The following SPTBN4 variants were observed in gnomAD, a reference collection of about 807,000 sequenced individuals.
SPTBN4 encodes spectrin beta, non-erythrocytic 4.
A neutral mutation model predicts 277.8 loss-of-function variants in SPTBN4; 96 were observed. The ratio of observed to expected loss-of-function variants is 0.35; its 90% CI spans 0.29 to 0.41. The LOEUF (loss-of-function observed/expected upper bound fraction) is 0.41. Ranked by LOEUF, SPTBN4 falls within the 10% of genes least tolerant of loss-of-function variation. SPTBN4 has a pLI of 1.00. For missense variants in SPTBN4, 3,006 were observed against 3,595.7 expected, an observed-to-expected ratio of 0.84 and a Z score of 4.19; for synonymous variants, 1,481 against 1,580.3, an observed-to-expected ratio of 0.94 and a Z score of 1.49.
intron 17 of SPTBN4, among the ~76,000 whole-genome samples, chr19:40,523,882 C>T (rs2080558657): frequency 6.6e-6 from 1 of 152,178 alleles, no homozygotes; most frequent in Non-Finnish European, 1.5e-5. Context: ...CGGCTCACTG[C>T]AACCCTCACC....
In SPTBN4 at chr19:40,519,924, G is replaced by C; in HGVS notation, c.3427G>C (p.Glu1143Gln). ...AALKEEVDQR[E>Q]EDYARIVAAS... ...GCTCAAGGAGGAGGTGGACCAGCGCGAGGAAGACTATGCTCGCATCGTGGC... is the reference window on the plus strand; with the variant it reads ...GCTCAAGGAGGAGGTGGACCAGCGCCAGGAAGACTATGCTCGCATCGTGGC... The change falls in exon 16 of 36, where the codon GAG (glutamate) becomes CAG (glutamine). Residue 1143 changes from glutamate (E) to glutamine (Q), a missense_variant. Glu to Gln is a conservative substitution (Grantham distance 29). Transcript: ENST00000598249. The surrounding 1 kb of genome is among the most constrained non-coding windows in gnomAD (Gnocchi z 5.7). 1 of 1,563,762 alleles carries C rather than the reference G, an allele frequency of 6.4e-7. No individual in the cohort carries two copies. Among genetic ancestry groups the C allele is most frequent in the Middle Eastern group, 1.7e-4 (1 of 5,842 alleles).
intron 31 of SPTBN4, among the ~76,000 whole-genome samples, chr19:40,569,339 C>T (rs1469197281): frequency 2.0e-5 from 3 of 150,962 alleles, no homozygotes; most frequent in East Asian, 1.9e-4. Context: ...GCAGGGGAAT[C>T]GCTTCAACAC....
chr19:40,515,575 T>C lies in SPTBN4; in HGVS notation c.2903+127T>C. ...GGCCACCCGATAAATCAACAAAATG[T>C]TGACCAAAAATCATAATCCCTGATA... On this transcript the variant is annotated intron_variant, in intron 15 of 35. Coordinates refer to ENST00000598249, the MANE Select transcript of SPTBN4 (RefSeq NM_020971.3). The surrounding 1 kb of genome is among the most constrained non-coding windows in gnomAD (Gnocchi z 4.1). The C allele has an allele frequency of 4.2e-6, 5 of 1,181,978 alleles. No homozygotes were observed. The highest frequency in any genetic ancestry group is 5.6e-6 in the Non-Finnish European group (5 of 888,340). 73.2% of individuals were successfully genotyped at this position (1,181,978 alleles called of 1,614,324 possible). A position where few individuals can be genotyped will look rare whatever the true frequency, so the allele number is the denominator to read the frequency against.
intron 20 of SPTBN4, among the ~76,000 whole-genome samples, chr19:40,548,449 C>T (rs1046442290): frequency 2.6e-5 from 4 of 152,012 alleles, no homozygotes; most frequent in Non-Finnish European, 4.4e-5. Flanking sequence ...TGAGGTTGCC[C>T]ACTGCACTCC....
chr19:40,483,214 G>A (rs2080032537), intron 2 of SPTBN4, among the ~76,000 whole-genome samples: 1 of 151,994 alleles, frequency 6.6e-6, no homozygotes. Context: ...GAACCCAGTT[G>A]TCCTCATTCT....
chr19:40,548,714 CAAA>C (rs57692095), intron 20 of SPTBN4, among the ~76,000 whole-genome samples: 1 of 117,044 alleles, frequency 8.5e-6, no homozygotes. Context: ...GACTCCATCT[CAAA>C]AAAAAAAAAA....
intron 2 of SPTBN4, among the ~76,000 whole-genome samples, chr19:40,475,125 C>T (rs192111885): frequency 6.7e-4 from 102 of 152,190 alleles, no homozygotes; most frequent in Middle Eastern, 3.4e-3. Flanking sequence ...GAACTGTAGA[C>T]CCTTGAACCT....
chr19:40,482,654 C>T (rs1004794493), intron 2 of SPTBN4, among the ~76,000 whole-genome samples: 6 of 152,288 alleles, frequency 3.9e-5, no homozygotes, highest in African/African-American at 9.6e-5. Context: ...AAAACGCAGT[C>T]GGGGTGCAAC....
intron 2 of SPTBN4, among the ~76,000 whole-genome samples, chr19:40,484,386 C>G (rs556643653): frequency 5.1e-4 from 77 of 152,268 alleles, no homozygotes; most frequent in Non-Finnish European, 4.7e-4. Flanking sequence ...TTAACAGTAA[C>G]TGTACAGGCT....
intron 32 of SPTBN4, among the ~76,000 whole-genome samples, chr19:40,569,951 CACACACACACACACACACACACAG>C (rs1460340513): frequency 6.9e-4 from 102 of 148,470 alleles, no homozygotes; most frequent in African/African-American, 2.4e-3. Context: ...CACACACACA[CACACACACACACACACACACACAG>C]ACACACACAC....
intron 15 of SPTBN4, among the ~76,000 whole-genome samples, chr19:40,518,395 A>G (rs959621607): frequency 1.3e-5 from 2 of 152,184 alleles, no homozygotes; most frequent in Non-Finnish European, 2.9e-5. Flanking sequence ...TTACTATATT[A>G]GAACTTAGTA....
intron 2 of SPTBN4, among the ~76,000 whole-genome samples, chr19:40,473,236 C>T (rs1326078561): frequency 6.6e-6 from 1 of 151,890 alleles, no homozygotes; most frequent in African/African-American, 2.4e-5. Context: ...TTTTAGTAGA[C>T]ACCGGGTTTC....
intron 29 of SPTBN4, 70 bp from the exon 30 acceptor site, chr19:40,566,093 G>A (rs547910076): frequency 7.0e-7 from 1 of 1,426,044 alleles, no homozygotes; most frequent in Non-Finnish European, 9.3e-7. Flanking sequence ...GGAAGGCCAG[G>A]GGAACAGCCA....
At chr19:40,470,973 G>A (rs554866754) in intron 1 of SPTBN4, among the ~76,000 whole-genome samples, 1 of 148,232 alleles carries the variant, frequency 6.7e-6, no homozygotes, top group African/African-American at 2.5e-5. Flanking sequence ...TTTTTGAGAC[G>A]GAGTCTTGCT....
intron 30 of SPTBN4, 138 bp downstream of exon 30, chr19:40,566,497 C>A: frequency 1.3e-6 from 1 of 761,392 alleles, no homozygotes; most frequent in Non-Finnish European, 1.9e-6. Context: ...TCTTGCTAGG[C>A]TCCCAGTGGA....
chr19:40,490,186 A>C lies in SPTBN4; in HGVS notation c.433A>C (p.Ile145Leu). Reference sequence around the variant, plus strand: ...CCTGGAGAACGTGGGTTCGCATGACATCGTGGATGGGAATCACCGGCTGAC... The same window carrying C: ...CCTGGAGAACGTGGGTTCGCATGACCTCGTGGATGGGAATCACCGGCTGAC... ...VHLENVGSHD[I>L]VDGNHRLTLG... is the part of the protein sequence containing the mutation. Residue 145 changes from isoleucine to leucine, a missense_variant, in exon 4 of 36, where the codon ATC (isoleucine) becomes CTC (leucine). This residue lies in a region of SPTBN4 where 114 missense variants were observed against 196.1 expected (regional missense o/e 0.58). Transcript: ENST00000598249. The surrounding 1 kb of genome is among the most constrained non-coding windows in gnomAD (Gnocchi z 4.3). 6.2e-7 allele frequency: 1 copy of C among 1,614,222 alleles called. No homozygotes were observed. The highest frequency in any genetic ancestry group is 8.5e-7 in the Non-Finnish European group (1 of 1,180,028).
intron 27 of SPTBN4, among the ~76,000 whole-genome samples, chr19:40,565,183 T>A (rs548199761): frequency 5.3e-5 from 8 of 151,710 alleles, no homozygotes; most frequent in African/African-American, 1.9e-4. Context: ...GAGAATCGCC[T>A]GAACTCGGGA....
In SPTBN4 at chr19:40,547,268, G is replaced by A. The variant is rs2080869507; in HGVS notation, c.4360-1921G>A. Among the ~76,000 whole-genome samples, 3 of 147,932 alleles carry A rather than the reference G, an allele frequency of 2.0e-5. No individual in the cohort carries two copies. The Admixed American group carries it at 2.1e-4, about 10-fold the overall frequency. ...TTGTTCAGCTCCCACCTATGAGTGA[G>A]AACGTGTGGTGTTTGGTTTTCTGTC... On this transcript the variant is annotated intron_variant, in intron 20 of 35. Coordinates refer to ENST00000598249, the MANE Select transcript of SPTBN4 (RefSeq NM_020971.3).
intron 4 of SPTBN4, among the ~76,000 whole-genome samples, chr19:40,492,746 T>C (rs1249418812): frequency 1.3e-5 from 2 of 152,108 alleles, no homozygotes; most frequent in African/African-American, 4.8e-5. Context: ...GAGGCTTTCT[T>C]GGAAACAGAG....
Sources: gnomAD v4.1 joint callset for allele counts (sites outside exome capture counted in the v4.1 genomes callset) on GRCh38, gnomAD v4.1.1 for gene constraint, gnomAD v4.1.1 regional missense constraint, Gnocchi (gnomAD v3.1) non-coding constraint, MANE v1.5 for transcripts, NCBI Gene and HGNC (gene_info 2026-07-23, HGNC 2026-07-21) for gene names.